SYNDIG1: variants seen among roughly 807,000 people sequenced by gnomAD.
The protein encoded by SYNDIG1 is synapse differentiation inducing 1, also known as synapse differentiation-inducing gene protein 1.
In SYNDIG1, 9 loss-of-function variants were observed where a neutral mutation model predicts 19.4. The observed-to-expected ratio is 0.46, with a 90% CI of 0.28 to 0.81. SYNDIG1 has a LOEUF of 0.81. SYNDIG1 is among the 30% of genes least tolerant of loss of function. SYNDIG1 has a pLI of 0.12. For synonymous variants in SYNDIG1, 141 were observed against 145.9 expected (o/e 0.97, Z 0.24); for missense variants, 311 against 343.3 (o/e 0.91, Z 0.74).
chr20:24,535,464 A>G (rs186177346), intron 1 of SYNDIG1, among the ~76,000 whole-genome samples: 58 of 152,350 alleles, frequency 3.8e-4, no homozygotes, highest in African/African-American at 1.3e-3. Context: ...GGGCTTTTAA[A>G]TTACACATGT....
At chr20:24,598,870 C>T (rs1456703449) in intron 3 of SYNDIG1, among the ~76,000 whole-genome samples, 1 of 151,826 alleles carries the variant, frequency 6.6e-6, no homozygotes, top group African/African-American at 2.4e-5. Flanking sequence ...AACATAAGAC[C>T]AAAAACTATA....
chr20:24,632,839 C>T (rs1022082213), intron 3 of SYNDIG1, among the ~76,000 whole-genome samples: 8 of 152,116 alleles, frequency 5.3e-5, no homozygotes, highest in African/African-American at 1.9e-4. Context: ...ACAGGGATGA[C>T]AAGCTGTTTT....
At chr20:24,477,684 C>T (rs1049085613) in intron 1 of SYNDIG1, among the ~76,000 whole-genome samples, 2 of 152,206 alleles carry the variant, frequency 1.3e-5, no homozygotes, top group African/African-American at 4.8e-5. Context: ...GGGTATACAG[C>T]ACCCCACTGC....
intron 1 of SYNDIG1, among the ~76,000 whole-genome samples, chr20:24,498,211 C>T (rs2056348363): frequency 1.3e-5 from 2 of 152,186 alleles, no homozygotes; most frequent in South Asian, 4.1e-4. Flanking sequence ...CCCCTGGAGT[C>T]ATCAACATAC....
At chr20:24,509,886 T>C (rs1277139382) in intron 1 of SYNDIG1, among the ~76,000 whole-genome samples, 2 of 152,108 alleles carry the variant, frequency 1.3e-5, no homozygotes, top group Non-Finnish European at 2.9e-5. Context: ...GGTGATTGGA[T>C]TATGGGGGTG....
chr20:24,585,153 G>C (rs539808223), intron 3 of SYNDIG1, among the ~76,000 whole-genome samples, 160 bp downstream of exon 3: 3 of 152,164 alleles, frequency 2.0e-5, no homozygotes, highest in South Asian at 2.1e-4. Context: ...GGGAGAAGTC[G>C]GGGCACCCTG....
At chr20:24,565,287 T>G (rs982135188) in intron 2 of SYNDIG1, among the ~76,000 whole-genome samples, 3 of 152,206 alleles carry the variant, frequency 2.0e-5, no homozygotes, top group Non-Finnish European at 2.9e-5. Context: ...AAGAAGTATC[T>G]TTAGAAACGG....
intron 1 of SYNDIG1, among the ~76,000 whole-genome samples, chr20:24,525,286 CTTTTTTTTTT>C (rs11471122): frequency 4.7e-5 from 5 of 106,536 alleles, no homozygotes; most frequent in African/African-American, 1.8e-4. Flanking sequence ...TCTTCTTCTT[CTTTTTTTTTT>C]TTTTTTTTTT....
chr20:24,657,828 A>T (rs2059543590), intron 3 of SYNDIG1, among the ~76,000 whole-genome samples: 1 of 147,962 alleles, frequency 6.8e-6, no homozygotes, highest in Non-Finnish European at 1.5e-5. Flanking sequence ...TAAATAATGG[A>T]AATAACCTTT....
intron 1 of SYNDIG1, among the ~76,000 whole-genome samples, chr20:24,539,330 AG>A (rs764292880): frequency 2.0e-5 from 3 of 152,130 alleles, no homozygotes; most frequent in Non-Finnish European, 4.4e-5. Flanking sequence ...CCAATTTTTT[AG>A]CACCATTTGT....
intron 1 of SYNDIG1, among the ~76,000 whole-genome samples, chr20:24,492,976 A>G (rs1042258127): frequency 1.3e-5 from 2 of 152,244 alleles, no homozygotes; most frequent in African/African-American, 4.8e-5. Flanking sequence ...TAATTTCACT[A>G]ATGACTGGAG....
intron 1 of SYNDIG1, among the ~76,000 whole-genome samples, chr20:24,470,351 C>T (rs2055389792): frequency 6.6e-6 from 1 of 152,164 alleles, no homozygotes; most frequent in African/African-American, 2.4e-5. Flanking sequence ...GATGGGGAAT[C>T]CCGACGGGCG....
chr20:24,618,232 C>CGGGGAGA (rs1385624912), intron 3 of SYNDIG1, among the ~76,000 whole-genome samples: 1 of 89,178 alleles, frequency 1.1e-5, no homozygotes, highest in Non-Finnish European at 2.3e-5. Context: ...GGAGAGAGCC[C>CGGGGAGA]GGGGAGAGGG....
At chr20:24,578,672 C>T (rs560537462) in intron 2 of SYNDIG1, among the ~76,000 whole-genome samples, 2 of 152,262 alleles carry the variant, frequency 1.3e-5, no homozygotes, top group Admixed American at 1.3e-4. Flanking sequence ...TGCATCCTGG[C>T]TTAGGGGACG....
At chr20:24,620,644 G>A (rs951178005) in intron 3 of SYNDIG1, among the ~76,000 whole-genome samples, 1 of 152,188 alleles carries the variant, frequency 6.6e-6, no homozygotes, top group African/African-American at 2.4e-5. Flanking sequence ...TTCATAGGAG[G>A]AGACATAGAT....
At chr20:24,530,089 G>A (rs1189411987) in intron 1 of SYNDIG1, among the ~76,000 whole-genome samples, 1 of 1,572 alleles carries the variant, frequency 6.4e-4, no homozygotes, top group African/African-American at 2.0e-3. Context: ...GTGTCACAGG[G>A]GAAGAAGCTT....
At chr20:24,613,572 C>T (rs913086669) in intron 3 of SYNDIG1, among the ~76,000 whole-genome samples, 3 of 152,086 alleles carry the variant, frequency 2.0e-5, no homozygotes, top group African/African-American at 4.8e-5. Flanking sequence ...CAAAGCCACC[C>T]GCACCCCCTG....
chr20:24,515,888 C>G (rs2056851507), intron 1 of SYNDIG1, among the ~76,000 whole-genome samples: 1 of 152,186 alleles, frequency 6.6e-6, no homozygotes, highest in Admixed American at 6.5e-5. Flanking sequence ...CAAGACAATC[C>G]TAAGCCAAAA....
At chr20:24,526,559 T>TTA (rs1012668135) in intron 1 of SYNDIG1, among the ~76,000 whole-genome samples, 14 of 152,028 alleles carry the variant, frequency 9.2e-5, no homozygotes, top group Non-Finnish European at 1.6e-4. Flanking sequence ...TGATTTACAT[T>TTA]TATATATATA....
Sources: allele counts gnomAD v4.1 joint callset (sites outside exome capture counted in the v4.1 genomes callset), GRCh38; gene constraint gnomAD v4.1.1; transcripts MANE v1.5; gene names NCBI Gene and HGNC (gene_info 2026-07-23, HGNC 2026-07-21).